SOX5: variants seen among roughly 807,000 people sequenced by gnomAD.
The protein encoded by SOX5 is SRY-box transcription factor 5.
In SOX5, 9 loss-of-function variants were observed where a neutral mutation model predicts 92.0. That is an observed-to-expected ratio of 0.10 (90% CI 0.06 to 0.17). The LOEUF is 0.17. SOX5 is among the 10% of genes least tolerant of loss of function. SOX5 has a pLI of 1.00. For missense variants in SOX5, 642 were observed against 944.5 expected (o/e 0.68, Z 4.20); for synonymous variants, 344 against 336.3 (o/e 1.02, Z -0.25).
intron 4 of SOX5, among the ~76,000 whole-genome samples, chr12:23,754,795 C>T (rs2094309691): frequency 6.6e-6 from 1 of 151,752 alleles, no homozygotes; most frequent in South Asian, 2.1e-4. Flanking sequence ...TATTTATACA[C>T]CTATTTCTAC....
chr12:23,869,422 T>G (rs1376451532), intron 2 of SOX5, among the ~76,000 whole-genome samples: 1 of 152,138 alleles, frequency 6.6e-6, no homozygotes. Context: ...TCAAATCATA[T>G]CTATCCTTCA....
At chr12:23,617,826 TAAAG>T (rs2137980452) in intron 8 of SOX5, among the ~76,000 whole-genome samples, 1 of 152,280 alleles carries the variant, frequency 6.6e-6, no homozygotes, top group Non-Finnish European at 1.5e-5. Flanking sequence ...AGCAGTTCCT[TAAAG>T]AACCAGATAT....
At chr12:24,318,535 T>TTTGTTTAAGC in intron 2 of SOX5, among the ~76,000 whole-genome samples, 1 of 152,212 alleles carries the variant, frequency 6.6e-6, no homozygotes, top group Non-Finnish European at 1.5e-5. Context: ...CATGCTTTTA[T>TTTGTTTAAGC]CTTGTTTAAG....
rs142832246 is a variant in SOX5 at position 24,517,045 on chromosome 12, A to C, written c.-251+45284T>G. 1.4e-4 allele frequency among the ~76,000 whole-genome samples: 22 copies of C among 152,316 alleles called. No homozygotes were observed. In the East Asian group the frequency reaches 4.2e-3, roughly 29 times the overall value. On this transcript the variant is annotated intron_variant, in intron 1 of 4. Transcript: ENST00000446891. ...AGAACTTAAACACTCAACCTAAAAT[A>C]TACATTAGTTTTCAAAAACAGGCAT...
chr12:24,185,807 A>T (rs117223319), intron 4 of SOX5, among the ~76,000 whole-genome samples: 4,233 of 152,282 alleles, frequency 0.028, 73 homozygotes, highest in Non-Finnish European at 0.041. Context: ...GATTAATATT[A>T]TTTGTTTGCC....
rs778412083 is a variant in SOX5 at position 24,374,011 on chromosome 12, A to T, written c.-250-5372T>A. Among the ~76,000 whole-genome samples, 229 of 151,782 alleles carry T rather than the reference A, an allele frequency of 1.5e-3. 1 individual carries two copies. Among genetic ancestry groups the T allele is most frequent in the Non-Finnish European group, 1.2e-3 (79 of 67,876 alleles). ...GTAAAAAGCAGTGAAGATCTCCAAG[A>T]TATGTCCCTTTACAAAACAAAAGCA... On this transcript the variant is annotated intron_variant, in intron 1 of 4. Transcript: ENST00000446891.
At chr12:24,369,858 A>C (rs1410183892) in intron 1 of SOX5, among the ~76,000 whole-genome samples, 1 of 152,234 alleles carries the variant, frequency 6.6e-6, no homozygotes, top group South Asian at 2.1e-4. Flanking sequence ...TACAAAGTCC[A>C]AAAAGCTTCG....
chr12:23,938,792 G>A (rs186348861), intron 1 of SOX5, among the ~76,000 whole-genome samples: 30 of 150,970 alleles, frequency 2.0e-4, no homozygotes, highest in African/African-American at 5.6e-4. Context: ...TTAAGTACAC[G>A]TTACCTGGGA....
chr12:23,712,886 C>A (rs1407578174), intron 6 of SOX5, among the ~76,000 whole-genome samples: 1 of 152,182 alleles, frequency 6.6e-6, no homozygotes, highest in African/African-American at 2.4e-5. Context: ...TTCTCACAGA[C>A]ACAAGATACC....
intron 4 of SOX5, among the ~76,000 whole-genome samples, chr12:24,060,613 T>C (rs149807987): frequency 1.1e-4 from 16 of 152,304 alleles, no homozygotes; most frequent in African/African-American, 3.8e-4. Context: ...TAGACCTCCA[T>C]TCTCAAACAA....
At chr12:24,475,993 TAAA>T (rs71450741) in intron 1 of SOX5, among the ~76,000 whole-genome samples, 1 of 86,130 alleles carries the variant, frequency 1.2e-5, no homozygotes, top group Non-Finnish European at 2.2e-5. Flanking sequence ...GAAATACATT[TAAA>T]AAAAAAAAAA....
At chr12:23,692,312 C>G (rs1028653862) in intron 6 of SOX5, among the ~76,000 whole-genome samples, 3 of 151,836 alleles carry the variant, frequency 2.0e-5, no homozygotes, top group African/African-American at 7.3e-5. Flanking sequence ...CAGCCGGCGC[C>G]TGTAATCCCA....
chr12:23,657,653 T>TA (rs1268566615), intron 7 of SOX5, among the ~76,000 whole-genome samples: 1 of 152,158 alleles, frequency 6.6e-6, no homozygotes, highest in East Asian at 1.9e-4. Context: ...CTTAGTCTGT[T>TA]ACTGAGATGA....
chr12:23,848,090 T>C (rs929981365), intron 2 of SOX5, among the ~76,000 whole-genome samples: 3 of 152,288 alleles, frequency 2.0e-5, no homozygotes, highest in East Asian at 3.9e-4. Flanking sequence ...AGATCTTCCT[T>C]CTTATTTCTT....
intron 6 of SOX5, among the ~76,000 whole-genome samples, chr12:23,704,005 A>T (rs2091030920): frequency 6.6e-6 from 1 of 152,014 alleles, no homozygotes; most frequent in Non-Finnish European, 1.5e-5. Context: ...GGGTGAGATG[A>T]TTAATATAAT....
intron 1 of SOX5, among the ~76,000 whole-genome samples, chr12:24,519,482 T>C (rs953776081): frequency 9.2e-5 from 14 of 151,920 alleles, no homozygotes; most frequent in African/African-American, 3.1e-4. Flanking sequence ...AGTAAATAGA[T>C]TTGAGAAAAA....
intron 4 of SOX5, among the ~76,000 whole-genome samples, chr12:23,984,242 C>G (rs1229806588): frequency 6.6e-6 from 1 of 152,152 alleles, no homozygotes; most frequent in Non-Finnish European, 1.5e-5. Flanking sequence ...TTGAGGGACA[C>G]AGAAAAGTGA....
At chr12:23,599,020 A>G (rs1461277868) in intron 9 of SOX5, among the ~76,000 whole-genome samples, 1 of 152,190 alleles carries the variant, frequency 6.6e-6, no homozygotes, top group Non-Finnish European at 1.5e-5. Flanking sequence ...AAACTACAAA[A>G]TTCTACCCTG....
chr12:24,382,345 T>G (rs1383715544), intron 1 of SOX5, among the ~76,000 whole-genome samples: 1 of 151,596 alleles, frequency 6.6e-6, no homozygotes, highest in Non-Finnish European at 1.5e-5. Flanking sequence ...CCCAGGAGAG[T>G]TGGTGGCTTC....
Sources: allele counts gnomAD v4.1 joint callset (sites outside exome capture counted in the v4.1 genomes callset), GRCh38; gene constraint gnomAD v4.1.1; transcripts MANE v1.5; gene names NCBI Gene and HGNC (gene_info 2026-07-23, HGNC 2026-07-21).